ZNF747: variants seen among roughly 807,000 people sequenced by gnomAD.
ZNF747 encodes the protein zinc finger protein 747, also known as KRAB domain-containing protein ZNF747.
In ZNF747, 14 loss-of-function variants were observed where a neutral mutation model predicts 13.4. The ratio of observed to expected loss-of-function variants is 1.04; its 90% CI spans 0.69 to 1.63. The LOEUF (loss-of-function observed/expected upper bound fraction) is 1.63. Among genes scored for constraint, ZNF747 ranks in the 40% most tolerant of loss-of-function variants. ZNF747 has a pLI of 0.00. For synonymous variants in ZNF747, 212 were observed against 206.5 expected (o/e 1.03, Z -0.23); for missense variants, 532 against 477.9 (o/e 1.11, Z -1.05).
In ZNF747 at chr16:30,532,836, C is replaced by T. The variant is rs578077063; in HGVS notation, c.659G>A (p.Gly220Asp). ...GTGTTTGCTCAGGGAGGAAGCGTGG[C>T]CGAAGCCCTTGCCGCAGTCTGCGCA... Reference protein sequence around the residue: ...FHCADCGKGFGHASSLSKHRA... With the variant: ...FHCADCGKGFDHASSLSKHRA... The change falls in exon 3 of 3, where the codon GGC becomes GAC. Residue 220 changes from glycine to aspartate, a missense_variant. Physicochemically the swap from Gly to Asp is moderately conservative, Grantham distance 94. Coordinates refer to ENST00000693075, the MANE Select transcript of ZNF747 (RefSeq NM_001305018.2). 145 of 1,580,774 alleles carry T rather than the reference C, an allele frequency of 9.2e-5. No homozygotes were observed. The South Asian group carries it at 1.6e-3, about 17-fold the overall frequency.
In ZNF747 at chr16:30,534,330, AC is replaced by A; in HGVS notation, c.230-21del. Reference sequence around the variant, plus strand: ...CGACTCCTGGGGGAGAAGAACGCAAACCCCACGCTGCGAGGAGGCCGCCTGC... The same window carrying A: ...CGACTCCTGGGGGAGAAGAACGCAAACCCACGCTGCGAGGAGGCCGCCTGC... On this transcript the variant is annotated intron_variant, in intron 1 of 2. Coordinates refer to ENST00000693075, the MANE Select transcript of ZNF747 (RefSeq NM_001305018.2). 6.4e-7 allele frequency: 1 copy of A among 1,562,098 alleles called. No individual in the cohort carries two copies. The highest frequency in any genetic ancestry group is 8.7e-7 in the Non-Finnish European group (1 of 1,153,604).
Position 30,532,934 on chromosome 16 carries a change from G to A in ZNF747, c.561C>T (p.Cys187=). Residue 187 remains cysteine, a synonymous_variant, in exon 3 of 3, where the codon TGC becomes TGT. Transcript: ENST00000693075. ...TGGAGCGCCAGGCGAAGCTCTTCCC[G>A]CACACGTAGCAGCCGTGACGCTGGT... The part of the protein sequence containing the change: ...RADQRHGCYV[C]GKSFAWRSTL... 6.2e-7 allele frequency: 1 copy of A among 1,604,660 alleles called. No homozygotes were observed. Among genetic ancestry groups the A allele is most frequent in the Non-Finnish European group, 8.5e-7 (1 of 1,177,618 alleles).
In ZNF747 at chr16:30,532,482, G is replaced by A. The variant is rs1043386409; in HGVS notation, c.*17C>T. 1.0e-5 allele frequency: 16 copies of A among 1,594,432 alleles called. No homozygotes were observed. The highest frequency in any genetic ancestry group is 1.2e-5 in the Non-Finnish European group (14 of 1,172,856). ...CTCGGGCCGCCCACAATGTCTAGAT[G>A]GTCACTTTTTAGGCCGTCACCCACA... On this transcript the variant is annotated 3_prime_UTR_variant, in exon 3 of 3. Coordinates refer to ENST00000693075, the MANE Select transcript of ZNF747 (RefSeq NM_001305018.2).
In ZNF747 at chr16:30,532,140, C is replaced by T; in HGVS notation, c.*359G>A. 6.7e-6 allele frequency: 2 copies of T among 296,818 alleles called. No individual in the cohort carries two copies. Among genetic ancestry groups the T allele is most frequent in the South Asian group, 7.9e-5 (2 of 25,370 alleles). 18.4% of individuals were successfully genotyped at this position (296,818 alleles called of 1,614,324 possible). A position where few individuals can be genotyped will look rare whatever the true frequency, so the allele number is the denominator to read the frequency against. Reference sequence around the variant, plus strand: ...TCCAGCCTGGGCAACAAGAGCAAAACTCCGTCTCAAAAAATTAAAAAAGTA... The same window carrying T: ...TCCAGCCTGGGCAACAAGAGCAAAATTCCGTCTCAAAAAATTAAAAAAGTA... On this transcript the variant is annotated 3_prime_UTR_variant, in exon 3 of 3. Coordinates refer to ENST00000693075, the MANE Select transcript of ZNF747 (RefSeq NM_001305018.2).
chr16:30,532,582 C>A lies in ZNF747; in HGVS notation c.913G>T (p.Val305Leu), dbSNP rs2051391046. The stretch of plus-strand genomic sequence containing the variant: ...TCCCCGCGGACAGGAGTCAGGGTCA[C>A]AGACAGCCCCCCAGGGCGCCGGCCC... ...RRGRRPGGLS[V>L]TLTPVRGDLD... is the part of the protein sequence containing the mutation. The change falls in exon 3 of 3, where the codon GTG becomes TTG. Residue 305 changes from valine to leucine, a missense_variant. Physicochemically the swap from Val to Leu is conservative, Grantham distance 32. Coordinates refer to ENST00000693075, the MANE Select transcript of ZNF747 (RefSeq NM_001305018.2). The A allele has an allele frequency of 2.5e-6, 4 of 1,575,462 alleles. No individual in the cohort carries two copies. In the African/African-American group the frequency reaches 4.1e-5, roughly 16 times the overall value.
In ZNF747 at chr16:30,534,751, A is replaced by C; in HGVS notation, c.-72T>G. 6.9e-7 allele frequency: 1 copy of C among 1,453,748 alleles called. No homozygotes were observed. The highest frequency in any genetic ancestry group is 1.4e-5 in the South Asian group (1 of 70,898). 90.1% of individuals were successfully genotyped at this position (1,453,748 alleles called of 1,614,324 possible). ...CACTTCCCCGGCCCGGTACCAAGGG[A>C]AGGAGGGACGTCAGTAGAGCCCCCG... On this transcript the variant is annotated 5_prime_UTR_variant, in exon 1 of 3. Coordinates refer to ENST00000693075, the MANE Select transcript of ZNF747 (RefSeq NM_001305018.2).
chr16:30,532,308 G>A lies in ZNF747; in HGVS notation c.*191C>T. On this transcript the variant is annotated 3_prime_UTR_variant, in exon 3 of 3. Coordinates refer to ENST00000693075, the MANE Select transcript of ZNF747 (RefSeq NM_001305018.2). Reference sequence around the variant, plus strand: ...GCCCTGCCTCAGCAAAGGGGGCCTTGGAGAGCCCAGGGCAGCGGGGAGCAA... The same window carrying A: ...GCCCTGCCTCAGCAAAGGGGGCCTTAGAGAGCCCAGGGCAGCGGGGAGCAA... 1.5e-6 allele frequency: 1 copy of A among 669,008 alleles called. No homozygotes were observed. The highest frequency in any genetic ancestry group is 4.1e-4 in the Middle Eastern group (1 of 2,420). 41.4% of individuals were successfully genotyped at this position (669,008 alleles called of 1,614,324 possible). A position where few individuals can be genotyped will look rare whatever the true frequency, so the allele number is the denominator to read the frequency against.
intron 2 of ZNF747, among the ~76,000 whole-genome samples, chr16:30,533,740 A>T (rs553243036): frequency 1.4e-5 from 2 of 140,242 alleles, no homozygotes; most frequent in African/African-American, 5.5e-5. Flanking sequence ...CCTCTTTAAA[A>T]TTTTTTTAAT....
chr16:30,534,387 G>T, intron 1 of ZNF747, 64 bp downstream of exon 1: 1 of 1,555,426 alleles, frequency 6.4e-7, no homozygotes, highest in South Asian at 1.2e-5. Context: ...TCCACACGCA[G>T]CTCCCAGAGG....
At position 30,534,744 on chromosome 16, in the gene ZNF747, C is replaced by T. The variant is rs1020554549; in HGVS notation, c.-65G>A. ...CCGAGAACACTTCCCCGGCCCGGTACCAAGGGAAGGAGGGACGTCAGTAGA... is the reference window on the plus strand; with the variant it reads ...CCGAGAACACTTCCCCGGCCCGGTATCAAGGGAAGGAGGGACGTCAGTAGA... On this transcript the variant is annotated 5_prime_UTR_variant, in exon 1 of 3. Coordinates refer to ENST00000693075, the MANE Select transcript of ZNF747 (RefSeq NM_001305018.2). The T allele has an allele frequency of 4.1e-6, 6 of 1,458,684 alleles. No homozygotes were observed. The highest frequency in any genetic ancestry group is 5.4e-6 in the Non-Finnish European group (6 of 1,109,170). 90.4% of individuals were successfully genotyped at this position (1,458,684 alleles called of 1,614,324 possible).
chr16:30,532,689 G>T lies in ZNF747; in HGVS notation c.806C>A (p.Pro269Gln), dbSNP rs891754584. ...VHTGEKPYRCPQCGRCFGLKT... is the reference protein window; with the variant it reads ...VHTGEKPYRCQQCGRCFGLKT... ...CAGGCCGAAGCAGCGGCCACACTGC[G>T]GGCAGCGGTAGGGCTTCTCGCCAGT... The change falls in exon 3 of 3, where the codon CCG becomes CAG. Residue 269 changes from proline to glutamine, a missense_variant. Transcript: ENST00000693075. 1.9e-5 allele frequency: 30 copies of T among 1,538,720 alleles called. No homozygotes were observed. Among genetic ancestry groups the T allele is most frequent in the Non-Finnish European group, 2.5e-5 (29 of 1,146,808 alleles).
At position 30,532,919 on chromosome 16, in the gene ZNF747, G is replaced by A. The variant is rs1179296301; in HGVS notation, c.576C>T (p.Ala192=). 1.9e-6 allele frequency: 3 copies of A among 1,603,896 alleles called. No homozygotes were observed. The highest frequency in any genetic ancestry group is 1.7e-5 in the Admixed American group (1 of 59,028). ...TGTGCTCCACCAGTGTGGAGCGCCA[G>A]GCGAAGCTCTTCCCGCACACGTAGC... ...HGCYVCGKSF[A]WRSTLVEHIY... The change falls in exon 3 of 3, where the codon GCC becomes GCT. Residue 192 remains alanine (A), a synonymous_variant. Transcript: ENST00000693075.
Position 30,532,975 on chromosome 16 carries a change from G to T in ZNF747, c.520C>A (p.Pro174Thr), listed in dbSNP as rs757360574. The change falls in exon 3 of 3, where the codon CCT becomes ACT. Residue 174 changes from proline (P) to threonine (T), a missense_variant. Physicochemically the swap from Pro to Thr is conservative, Grantham distance 38. Coordinates refer to ENST00000693075, the MANE Select transcript of ZNF747 (RefSeq NM_001305018.2). The part of the protein sequence containing the change: ...RSRPRFFAHP[P>T]VPRADQRHGC... ...TGACGCTGGTCAGCTCGGGGGACAG[G>T]GGGGTGGGCAAAAAAGCGGGGGCGA... 1.9e-6 allele frequency: 3 copies of T among 1,607,936 alleles called. No individual in the cohort carries two copies. The highest frequency in any genetic ancestry group is 1.7e-5 in the Admixed American group (1 of 59,720).
Position 30,534,640 on chromosome 16 carries a change from G to A in ZNF747, c.40C>T (p.Pro14Ser), listed in dbSNP as rs1485115772. 6.4e-7 allele frequency: 1 copy of A among 1,571,282 alleles called. No homozygotes were observed. Among genetic ancestry groups the A allele is most frequent in the East Asian group, 2.3e-5 (1 of 43,124 alleles). ...CGGGGAGGGAGCGGGGCCAGAGGCGGCGCCATGGGGACTGTCAGCCCCAGC... is the reference window on the plus strand; with the variant it reads ...CGGGGAGGGAGCGGGGCCAGAGGCGACGCCATGGGGACTGTCAGCCCCAGC... ...PSLGLTVPMAPPLAPLPPRDP... is the reference protein window; with the variant it reads ...PSLGLTVPMASPLAPLPPRDP... The change falls in exon 1 of 3, where the codon CCG becomes TCG. Residue 14 changes from proline (P) to serine (S), a missense_variant. Transcript: ENST00000693075.
chr16:30,534,579 G>T lies in ZNF747; in HGVS notation c.101C>A (p.Pro34His). 1 of 1,604,100 alleles carries T rather than the reference G, an allele frequency of 6.2e-7. No individual in the cohort carries two copies. ...PNGAGSEWRK[P>H]GAVSFADVAV... ...CACGTCGGCGAAGCTCACGGCCCCG[G>T]GCTTTCTCCACTCGGATCCCGCCCC... Residue 34 changes from proline to histidine, a missense_variant, in exon 1 of 3, where the codon CCC (proline) becomes CAC (histidine). Coordinates refer to ENST00000693075, the MANE Select transcript of ZNF747 (RefSeq NM_001305018.2).
rs1567502436 is a variant in ZNF747 at position 30,532,750 on chromosome 16, G to A, written c.745C>T (p.Arg249Cys). 7.1e-6 allele frequency: 11 copies of A among 1,544,018 alleles called. No individual in the cohort carries two copies. The South Asian group carries it at 9.5e-5, about 13-fold the overall frequency. Residue 249 changes from arginine to cysteine, a missense_variant, in exon 3 of 3, where the codon CGC (arginine) becomes TGC (cysteine). By Grantham distance (180) the Arg-to-Cys change is radical. Transcript: ENST00000693075. ...AGGTGAGAAGTCAGCGCCGTGCGGC[G>A]CATGAAGGCCCGACCACACTCGGGA... is the stretch of plus-strand genomic sequence containing the variant. Reference protein sequence around the residue: ...RCPECGRAFMRRTALTSHLRV... With the variant: ...RCPECGRAFMCRTALTSHLRV...
Position 30,533,046 on chromosome 16 carries a change from G to A in ZNF747, c.449C>T (p.Ala150Val). ...AGSPGLKAPQ[A>V]PFAGLEQLSK... ...CAGCTGCTCCAACCCGGCAAAGGGG[G>A]CTTGGGGAGCCTTCAGCCCAGGAGA... Residue 150 changes from alanine (A) to valine (V), a missense_variant, in exon 3 of 3, where the codon GCC (alanine) becomes GTC (valine). Physicochemically the swap from Ala to Val is moderately conservative, Grantham distance 64 (BLOSUM62 0). Transcript: ENST00000693075. 2.5e-6 allele frequency: 4 copies of A among 1,612,728 alleles called. No individual in the cohort carries two copies. The highest frequency in any genetic ancestry group is 3.4e-6 in the Non-Finnish European group (4 of 1,180,004).
chr16:30,532,416 T>C lies in ZNF747; in HGVS notation c.*83A>G. On this transcript the variant is annotated 3_prime_UTR_variant, in exon 3 of 3. Coordinates refer to ENST00000693075, the MANE Select transcript of ZNF747 (RefSeq NM_001305018.2). ...AGCTCTTGCGGTGGATTCTGGGACCTCCCTGCAGGCCGCTGCAGAGGTTCG... is the reference window on the plus strand; with the variant it reads ...AGCTCTTGCGGTGGATTCTGGGACCCCCCTGCAGGCCGCTGCAGAGGTTCG... The C allele has an allele frequency of 6.8e-7, 1 of 1,467,126 alleles. No individual in the cohort carries two copies. The highest frequency in any genetic ancestry group is 1.2e-5 in the South Asian group (1 of 82,072). 90.9% of individuals were successfully genotyped at this position (1,467,126 alleles called of 1,614,324 possible).
At chr16:30,533,307 G>A (rs2051407712) in intron 2 of ZNF747, among the ~76,000 whole-genome samples, 156 bp from the exon 3 acceptor site, 1 of 152,188 alleles carries the variant, frequency 6.6e-6, no homozygotes, top group Non-Finnish European at 1.5e-5. Flanking sequence ...GACAGAGCCT[G>A]GAGGGAGGGA....
Sources: gnomAD v4.1 joint callset for allele counts (sites outside exome capture counted in the v4.1 genomes callset) on GRCh38, gnomAD v4.1.1 for gene constraint, MANE v1.5 for transcripts, NCBI Gene and HGNC (gene_info 2026-07-23, HGNC 2026-07-21) for gene names.